Variants in GFRA2 observed in about 807,000 individuals in gnomAD.
GFRA2 encodes the protein GDNF family receptor alpha 2, also known as GDNF family receptor alpha-2.
In GFRA2, 17 loss-of-function variants were observed where a neutral mutation model predicts 48.3. The observed-to-expected ratio is 0.35, with a 90% confidence interval of 0.24 to 0.53. The LOEUF (loss-of-function observed/expected upper bound fraction) is 0.53. Ranked by LOEUF, GFRA2 falls within the 20% of genes least tolerant of loss-of-function variation. GFRA2 has a pLI of 0.93. For synonymous variants in GFRA2, 305 were observed against 257.2 expected, an observed-to-expected ratio of 1.19 and a Z score of -1.78; for missense variants, 660 against 637.3, an observed-to-expected ratio of 1.04 and a Z score of -0.38.
chr8:21,797,073 G>T (rs1005760735), intron 2 of GFRA2, among the ~76,000 whole-genome samples: 2 of 152,160 alleles, frequency 1.3e-5, no homozygotes, highest in African/African-American at 2.4e-5. Context: ...GGGCCAAGGT[G>T]TCCTAACTAA....
chr8:21,756,285 G>C (rs1004923977), intron 3 of GFRA2, among the ~76,000 whole-genome samples: 2 of 152,062 alleles, frequency 1.3e-5, no homozygotes, highest in Non-Finnish European at 2.9e-5. Flanking sequence ...GCCAAAACTT[G>C]GTAAATTTCC....
intron 4 of GFRA2, among the ~76,000 whole-genome samples, chr8:21,735,431 C>A (rs1340104688): frequency 6.6e-6 from 1 of 152,030 alleles, no homozygotes; most frequent in Non-Finnish European, 1.5e-5. Flanking sequence ...GCGACCACCT[C>A]TATCCCAGTT....
intron 4 of GFRA2, among the ~76,000 whole-genome samples, chr8:21,729,994 GGGA>G (rs900109978): frequency 3.7e-4 from 57 of 152,236 alleles, no homozygotes; most frequent in Non-Finnish European, 7.9e-4. Flanking sequence ...GGGGAATTCA[GGGA>G]GGAGGAGGAG....
chr8:21,751,806 G>T (rs1259459759), intron 3 of GFRA2, among the ~76,000 whole-genome samples: 10 of 152,130 alleles, frequency 6.6e-5, no homozygotes, highest in African/African-American at 1.9e-4. Flanking sequence ...ATTAAAGATT[G>T]ATCAGGTCCT....
chr8:21,796,066 G>A (rs1215690429), intron 2 of GFRA2, among the ~76,000 whole-genome samples: 2 of 152,220 alleles, frequency 1.3e-5, no homozygotes, highest in African/African-American at 4.8e-5. Flanking sequence ...AGCAGCAGGA[G>A]CTAAGCTAGT....
chr8:21,753,894 C>A (rs1437392106), intron 3 of GFRA2, among the ~76,000 whole-genome samples: 1 of 152,244 alleles, frequency 6.6e-6, no homozygotes, highest in Non-Finnish European at 1.5e-5. Flanking sequence ...GCCACCCCAG[C>A]CTCCTGGATC....
chr8:21,785,567 G>T (rs1398000379), intron 1 of GFRA2, among the ~76,000 whole-genome samples: 2 of 152,166 alleles, frequency 1.3e-5, no homozygotes, highest in African/African-American at 4.8e-5. Flanking sequence ...GAGACACAGG[G>T]GTAGAGGGGG....
At position 21,697,644 on chromosome 8, in the gene GFRA2, G is replaced by A. The variant is rs183179355; in HGVS notation, c.1219-3127C>T. ...CATACTCTAATAGAGAAATAAACTCGCACATAACCACTGATATGGTTTGGC... is the reference window on the plus strand; with the variant it reads ...CATACTCTAATAGAGAAATAAACTCACACATAACCACTGATATGGTTTGGC... On this transcript the variant is annotated intron_variant, in intron 7 of 8. Coordinates refer to ENST00000524240, the MANE Select transcript of GFRA2 (RefSeq NM_001495.5). Among the ~76,000 whole-genome samples, 88 of 152,228 alleles carry A rather than the reference G, an allele frequency of 5.8e-4. 2 individuals are homozygous for A. The highest frequency in any genetic ancestry group is 4.7e-3 in the Admixed American group (72 of 15,292).
intron 1 of GFRA2, among the ~76,000 whole-genome samples, chr8:21,807,682 G>A (rs1227555800): frequency 6.6e-6 from 1 of 152,090 alleles, no homozygotes; most frequent in East Asian, 1.9e-4. Context: ...GTCTCCTCAT[G>A]TGTCCAAATT....
rs115061017 is a variant in GFRA2 at position 21,703,447 on chromosome 8, G to A, written c.1046-470C>T. 4.3e-3 allele frequency among the ~76,000 whole-genome samples: 659 copies of A among 151,952 alleles called. 4 individuals carry two copies. Among genetic ancestry groups the A allele is most frequent in the African/African-American group, 0.015 (627 of 41,418 alleles). ...GCAGGGGTCCCACATTCAGCCCTCT[G>A]CCCACTCCACACCACAGGCTCTCCC... On this transcript the variant is annotated intron_variant, in intron 6 of 8. Coordinates refer to ENST00000524240, the MANE Select transcript of GFRA2 (RefSeq NM_001495.5).
intron 4 of GFRA2, among the ~76,000 whole-genome samples, chr8:21,745,520 T>TG (rs1162711655): frequency 1.3e-5 from 2 of 152,224 alleles, no homozygotes; most frequent in Admixed American, 1.3e-4. Flanking sequence ...CTGCAATTCC[T>TG]GCTGCAAACA....
In GFRA2 at chr8:21,691,884, GATGCACACAC is replaced by G. The variant is rs1345012076; in HGVS notation, c.*1384_*1393del. The G allele has an allele frequency of 2.0e-5, 3 of 152,622 alleles. No individual in the cohort carries two copies. The highest frequency in any genetic ancestry group is 4.4e-5 in the Non-Finnish European group (3 of 68,140). The allele number at this position is 152,622 out of a possible 1,614,324, so 9.5% of individuals were successfully genotyped here. On this transcript the variant is annotated 3_prime_UTR_variant, in exon 9 of 9. Coordinates refer to ENST00000524240, the MANE Select transcript of GFRA2 (RefSeq NM_001495.5). ...TGTGGACACATGGGTGAGACACATG[GATGCACACAC>G]ATGCACACAGGCACACACACGGACA...
intron 2 of GFRA2, among the ~76,000 whole-genome samples, chr8:21,776,312 C>A (rs1160826441): frequency 6.6e-6 from 1 of 152,000 alleles, no homozygotes; most frequent in Admixed American, 6.6e-5. Context: ...AGAAATGGGG[C>A]AGCCCCAGAG....
At chr8:21,783,220 A>C (rs1233543766) in intron 1 of GFRA2, 5 of 499,626 alleles carry the variant, frequency 1.0e-5, no homozygotes, top group Non-Finnish European at 1.9e-5. Flanking sequence ...CCAGAGGAGA[A>C]TGTCACAGCC....
At chr8:21,746,865 A>G (rs1298811505) in intron 4 of GFRA2, among the ~76,000 whole-genome samples, 1 of 151,986 alleles carries the variant, frequency 6.6e-6, no homozygotes, top group African/African-American at 2.4e-5. Flanking sequence ...ACGTTCTCCA[A>G]GCCACAAGTT....
intron 3 of GFRA2, among the ~76,000 whole-genome samples, chr8:21,756,322 C>A (rs1344200738): frequency 6.6e-6 from 1 of 152,200 alleles, no homozygotes; most frequent in African/African-American, 2.4e-5. Flanking sequence ...TCAAGAAATG[C>A]AGCTCCTACC....
intron 4 of GFRA2, among the ~76,000 whole-genome samples, chr8:21,719,644 G>A (rs187305188): frequency 4.8e-4 from 73 of 152,308 alleles, no homozygotes; most frequent in African/African-American, 1.7e-3. Flanking sequence ...TTATTATTGT[G>A]TTAAGAGTGT....
At position 21,788,646 on chromosome 8, in the gene GFRA2, C is replaced by T; in HGVS notation, c.-487G>A. ...GAAATCCACAGACGGGTGTCAGCGC[C>T]CAAGAACAATCCAGTCGGAGCTTCG... On this transcript the variant is annotated 5_prime_UTR_variant, in exon 1 of 9. Transcript: ENST00000524240. The T allele has an allele frequency of 1.0e-6, 1 of 986,834 alleles. No individual in the cohort carries two copies. The allele number at this position is 986,834 out of a possible 1,614,324, so 61.1% of individuals were successfully genotyped here.
chr8:21,722,629 G>A (rs530659842), intron 4 of GFRA2, among the ~76,000 whole-genome samples: 38 of 152,228 alleles, frequency 2.5e-4, no homozygotes, highest in Non-Finnish European at 4.4e-4. Flanking sequence ...GTCCCCACAC[G>A]CAGACCCATA....
Sources: gnomAD v4.1 joint callset for allele counts (sites outside exome capture counted in the v4.1 genomes callset) on GRCh38, gnomAD v4.1.1 for gene constraint, MANE v1.5 for transcripts, NCBI Gene and HGNC (gene_info 2026-07-23, HGNC 2026-07-21) for gene names.